ADAMTSL1: variants seen among roughly 807,000 people sequenced by gnomAD.
The protein encoded by ADAMTSL1 is ADAMTS-like protein 1.
In ADAMTSL1, 126 loss-of-function variants were observed where a neutral mutation model predicts 201.8. The observed-to-expected ratio is 0.62, with a 90% confidence interval of 0.54 to 0.72. The LOEUF is 0.72. Among genes scored for constraint, ADAMTSL1 ranks in the 30% least tolerant of loss-of-function variants. The pLI, the probability that ADAMTSL1 is intolerant of heterozygous loss-of-function variation, is 0.00. For missense variants in ADAMTSL1, 2,679 were observed against 2,277.8 expected, an observed-to-expected ratio of 1.18 and a Z score of -3.59; for synonymous variants, 1,121 against 903.4, an observed-to-expected ratio of 1.24 and a Z score of -4.32.
intron 2 of ADAMTSL1, among the ~76,000 whole-genome samples, chr9:18,309,020 G>T (rs570683510): frequency 1.3e-5 from 2 of 152,126 alleles, no homozygotes; most frequent in Non-Finnish European, 2.9e-5. Flanking sequence ...GGGATGCAAG[G>T]CTTGTTCCAC....
chr9:18,397,082 A>C (rs1817783267), intron 2 of ADAMTSL1, among the ~76,000 whole-genome samples: 1 of 151,422 alleles, frequency 6.6e-6, no homozygotes, highest in Admixed American at 6.6e-5. Context: ...TTTAACCCCT[A>C]TGCATAAATT....
At chr9:18,460,569 G>A (rs576657542) in intron 2 of ADAMTSL1, among the ~76,000 whole-genome samples, 1 of 152,196 alleles carries the variant, frequency 6.6e-6, no homozygotes, top group African/African-American at 2.4e-5. Flanking sequence ...TTAATAGGGG[G>A]GAAATGAAAT....
In ADAMTSL1 at chr9:18,114,199, GTGACAGC is replaced by G. The variant is rs764778500; in HGVS notation, c.88-49662_88-49656del. On this transcript the variant is annotated intron_variant, in intron 1 of 29. Coordinates refer to the ADAMTSL1 transcript ENST00000680146. ...GATTTCACGTTGAAAAAAATCATTA[GTGACAGC>G]ACTTTTCATGAAATGATGAAAGTTG... Among the ~76,000 whole-genome samples the G allele has an allele frequency of 7.9e-3, 1,197 of 152,248 alleles. 6 individuals carry two copies. Among genetic ancestry groups the G allele is most frequent in the Middle Eastern group, 0.034 (10 of 294 alleles).
chr9:18,585,487 T>C (rs1823424061), intron 4 of ADAMTSL1, among the ~76,000 whole-genome samples: 1 of 152,188 alleles, frequency 6.6e-6, no homozygotes, highest in Admixed American at 6.5e-5. Context: ...GTGGGATAAC[T>C]TTATTTCCAT....
At chr9:18,179,329 AAG>A (rs1828339338) in intron 2 of ADAMTSL1, among the ~76,000 whole-genome samples, 1 of 152,200 alleles carries the variant, frequency 6.6e-6, no homozygotes, top group Non-Finnish European at 1.5e-5. Context: ...TTAGAGAAAA[AAG>A]AATAAAAAGA....
intron 2 of ADAMTSL1, among the ~76,000 whole-genome samples, chr9:18,464,493 T>C (rs887609853): frequency 2.0e-5 from 3 of 152,212 alleles, no homozygotes; most frequent in African/African-American, 7.2e-5. Flanking sequence ...CCAATAGAAG[T>C]GATACATAAG....
intron 2 of ADAMTSL1, among the ~76,000 whole-genome samples, chr9:18,347,690 A>G (rs1215743599): frequency 6.6e-6 from 1 of 152,168 alleles, no homozygotes; most frequent in Non-Finnish European, 1.5e-5. Flanking sequence ...GTCCTAGAAT[A>G]TTGAACTATT....
chr9:18,325,865 C>T (rs560646844), intron 2 of ADAMTSL1, among the ~76,000 whole-genome samples: 5 of 152,270 alleles, frequency 3.3e-5, no homozygotes, highest in East Asian at 1.9e-4. Context: ...CTCCGCCTCC[C>T]GCGTCGCTGG....
At chr9:18,187,604 T>C (rs1234037079) in intron 2 of ADAMTSL1, among the ~76,000 whole-genome samples, 3 of 152,134 alleles carry the variant, frequency 2.0e-5, no homozygotes, top group Non-Finnish European at 4.4e-5. Context: ...AGCCAGATTA[T>C]TTATTTGGGT....
At chr9:17,946,394 C>T (rs2383056) in intron 1 of ADAMTSL1, among the ~76,000 whole-genome samples, 224 of 152,056 alleles carry the variant, frequency 1.5e-3, no homozygotes, top group Non-Finnish European at 2.6e-3. Flanking sequence ...ATTTTTAGTT[C>T]CATATTTTTC....
chr9:18,753,520 A>C lies in ADAMTSL1; in HGVS notation c.2217+12A>C. 1 of 1,604,750 alleles carries C rather than the reference A, an allele frequency of 6.2e-7. No individual in the cohort carries two copies. Among genetic ancestry groups the C allele is most frequent in the Non-Finnish European group, 8.5e-7 (1 of 1,177,144 alleles). On this transcript the variant is annotated intron_variant, in intron 16 of 28. Transcript: ENST00000380548. ...CACAGTGGCAGCCGGTGAGTTCTGAAGTTACTCAATATTGGAGCTTTTGTT... is the reference window on the plus strand; with the variant it reads ...CACAGTGGCAGCCGGTGAGTTCTGACGTTACTCAATATTGGAGCTTTTGTT...
intron 4 of ADAMTSL1, among the ~76,000 whole-genome samples, chr9:18,590,066 A>G (rs1823807752): frequency 1.3e-5 from 2 of 151,858 alleles, no homozygotes; most frequent in Non-Finnish European, 1.5e-5. Context: ...TATTAGGGTA[A>G]TGTTGGCCTC....
At chr9:18,654,330 A>C (rs1828487251) in intron 7 of ADAMTSL1, among the ~76,000 whole-genome samples, 1 of 152,266 alleles carries the variant, frequency 6.6e-6, no homozygotes, top group Admixed American at 6.5e-5. Context: ...TAACATCTTC[A>C]AGGAAACTGG....
At chr9:18,890,760 A>T (rs762395926) in intron 25 of ADAMTSL1, 6 of 345,480 alleles carry the variant, frequency 1.7e-5, no homozygotes, top group Non-Finnish European at 2.9e-5. Context: ...GCTGAAACGT[A>T]TATTTGGAAA....
chr9:18,886,876 G>T (rs4977458), intron 23 of ADAMTSL1, among the ~76,000 whole-genome samples: 11,702 of 152,224 alleles, frequency 0.077, 564 homozygotes, highest in East Asian at 0.21. Flanking sequence ...CCTTGCATCT[G>T]CAGTTTTATG....
chr9:18,838,732 A>C (rs557881665), intron 23 of ADAMTSL1, among the ~76,000 whole-genome samples: 1 of 151,822 alleles, frequency 6.6e-6, no homozygotes, highest in Non-Finnish European at 1.5e-5. Flanking sequence ...TGGGAGGCTG[A>C]GGTGTAGTCC....
intron 1 of ADAMTSL1, among the ~76,000 whole-genome samples, chr9:18,489,078 A>C (rs932795675): frequency 6.6e-6 from 1 of 152,146 alleles, no homozygotes; most frequent in African/African-American, 2.4e-5. Context: ...CCCGCAAGAG[A>C]TTCTGATACG....
At chr9:18,303,333 G>C (rs1833776599) in intron 2 of ADAMTSL1, among the ~76,000 whole-genome samples, 1 of 152,168 alleles carries the variant, frequency 6.6e-6, no homozygotes, top group African/African-American at 2.4e-5. Context: ...ATCCTCCCAG[G>C]AGGCAGAACT....
chr9:18,866,801 A>T (rs1165008371), intron 23 of ADAMTSL1, among the ~76,000 whole-genome samples: 1 of 152,254 alleles, frequency 6.6e-6, no homozygotes, highest in Non-Finnish European at 1.5e-5. Flanking sequence ...GTCCAGAGGA[A>T]GATGTTCCAT....
Sources: gnomAD v4.1 joint callset for allele counts (sites outside exome capture counted in the v4.1 genomes callset) on GRCh38, gnomAD v4.1.1 for gene constraint, MANE v1.5 for transcripts, NCBI Gene and HGNC (gene_info 2026-07-23, HGNC 2026-07-21) for gene names.